GARNL3: variants seen among roughly 807,000 people sequenced by gnomAD.
GARNL3 encodes the protein GTPase activating Rap/RanGAP domain like 3.
Under a neutral mutation model 125.0 loss-of-function variants are expected in GARNL3, and 63 were observed. The observed-to-expected ratio is 0.50, with a 90% CI of 0.41 to 0.62. The LOEUF is 0.62. Ranked by LOEUF, GARNL3 falls within the 20% of genes least tolerant of loss-of-function variation. The probability of loss-of-function intolerance (pLI) is 0.00; values close to 1 mark genes in which losing one functional copy is unlikely to be tolerated. For synonymous variants in GARNL3, 439 were observed against 457.5 expected (o/e 0.96, Z 0.52); for missense variants, 994 against 1,244.0 (o/e 0.80, Z 3.02).
rs2063758932 is a variant in GARNL3 at position 127,268,927 on chromosome 9, A to C, written c.144+3906A>C. On this transcript the variant is annotated intron_variant, in intron 1 of 27. Coordinates refer to ENST00000373387, the MANE Select transcript of GARNL3 (RefSeq NM_032293.5). Reference sequence around the variant, plus strand: ...ATGTGATAGTGTATATCAGAATTTCATTCCTTTTTATGGCTGAATAATATT... The same window carrying C: ...ATGTGATAGTGTATATCAGAATTTCCTTCCTTTTTATGGCTGAATAATATT... Among the ~76,000 whole-genome samples the C allele has an allele frequency of 2.0e-5, 3 of 152,140 alleles. No homozygotes were observed. In the South Asian group the frequency reaches 6.2e-4, roughly 32 times the overall value.
chr9:127,255,772 C>G (rs1245257678), intron 2 of GARNL3, among the ~76,000 whole-genome samples: 1 of 152,136 alleles, frequency 6.6e-6, no homozygotes, highest in Non-Finnish European at 1.5e-5. Context: ...GATTCAGTTT[C>G]TTAGGTCTGG....
chr9:127,278,223 C>T (rs1273219886), intron 1 of GARNL3, among the ~76,000 whole-genome samples: 2 of 152,134 alleles, frequency 1.3e-5, no homozygotes, highest in Non-Finnish European at 2.9e-5. Context: ...TACAAATAAT[C>T]ACTATTACGA....
At chr9:127,275,462 A>G (rs1381701087) in intron 1 of GARNL3, among the ~76,000 whole-genome samples, 11 of 152,214 alleles carry the variant, frequency 7.2e-5, no homozygotes, top group Non-Finnish European at 1.0e-4. Context: ...AGGCTTCATC[A>G]AAGTCTCTCT....
rs1433843997 is a variant in GARNL3, at chr9:127,384,547, C to A, written c.2270-480C>A. 6.6e-6 allele frequency among the ~76,000 whole-genome samples: 1 copy of A among 152,148 alleles called. No homozygotes were observed. Among genetic ancestry groups the A allele is most frequent in the African/African-American group, 2.4e-5 (1 of 41,426 alleles). Reference sequence around the variant, plus strand: ...AGGGCCAGTGAGGAATAAGATGCAGCCCCGGCTCAGACGTGCAGCTGGAGG... The same window carrying A: ...AGGGCCAGTGAGGAATAAGATGCAGACCCGGCTCAGACGTGCAGCTGGAGG... On this transcript the variant is annotated intron_variant, in intron 23 of 27. Coordinates refer to ENST00000373387, the MANE Select transcript of GARNL3 (RefSeq NM_032293.5). The surrounding 1 kb of genome is among the most constrained non-coding windows in gnomAD (Gnocchi z 4.0).
At chr9:127,357,424 C>T in intron 21 of GARNL3, 47 bp downstream of exon 21, 1 of 1,582,174 alleles carries the variant, frequency 6.3e-7, no homozygotes, top group Non-Finnish European at 8.6e-7. Flanking sequence ...AAAGAGTAAT[C>T]ATCGTTGTGT....
In GARNL3 at chr9:127,344,264, T is replaced by C. The variant is rs1188388156; in HGVS notation, c.1281T>C (p.Asp427=). The part of the protein sequence containing the change: ...KNMLNRRSFS[D]VLPESPKSAR... ...TGCTTAATAGACGATCTTTTAGTGA[T>C]GTCTTACCAGAGTCACCCAAGTCAG... Residue 427 remains aspartate, a synonymous_variant, in exon 15 of 28, where the codon GAT becomes GAC. Coordinates refer to ENST00000373387, the MANE Select transcript of GARNL3 (RefSeq NM_032293.5). 1.2e-6 allele frequency: 2 copies of C among 1,613,658 alleles called. No individual in the cohort carries two copies. Among genetic ancestry groups the C allele is most frequent in the African/African-American group, 1.3e-5 (1 of 75,014 alleles).
intron 7 of GARNL3, among the ~76,000 whole-genome samples, chr9:127,331,396 G>A (rs1829228277): frequency 6.6e-6 from 1 of 152,050 alleles, no homozygotes; most frequent in African/African-American, 2.4e-5. Context: ...AGGAGGCTGA[G>A]GCAGGGGAAT....
intron 1 of GARNL3, among the ~76,000 whole-genome samples, chr9:127,290,046 A>T (rs141433297): frequency 4.6e-5 from 7 of 152,290 alleles, no homozygotes; most frequent in Non-Finnish European, 7.3e-5. Flanking sequence ...TAGTTAAGTG[A>T]CTGTAGCCCG....
intron 1 of GARNL3, among the ~76,000 whole-genome samples, chr9:127,282,034 AGT>A (rs1216958728): frequency 6.6e-6 from 1 of 152,220 alleles, no homozygotes; most frequent in Non-Finnish European, 1.5e-5. Context: ...TGGTCTCTCC[AGT>A]GTCTGTCCCC....
intron 16 of GARNL3, 108 bp from the exon 17 acceptor site, chr9:127,348,816 G>C: frequency 1.5e-6 from 1 of 676,024 alleles, no homozygotes; most frequent in Non-Finnish European, 2.5e-6. Flanking sequence ...GCTCCCACGG[G>C]GGTATCTGTG....
At chr9:127,284,620 T>C (rs946598855) in intron 1 of GARNL3, among the ~76,000 whole-genome samples, 27 of 152,048 alleles carry the variant, frequency 1.8e-4, no homozygotes, top group African/African-American at 5.3e-4. Flanking sequence ...AATAAAAGCA[T>C]TGAAAATGTG....
chr9:127,261,911 A>G (rs922301912), upstream of GARNL3, among the ~76,000 whole-genome samples: 8 of 152,028 alleles, frequency 5.3e-5, no homozygotes, highest in South Asian at 2.1e-4. Context: ...TTGTCTCTTC[A>G]TTGTGAAGAA....
upstream of GARNL3, among the ~76,000 whole-genome samples, chr9:127,259,148 C>G (rs568846538): frequency 6.6e-6 from 1 of 152,156 alleles, no homozygotes; most frequent in Non-Finnish European, 1.5e-5. Context: ...CCTTTTCTTT[C>G]CTTATCAGTT....
chr9:127,312,770 G>A (rs2065130053), intron 3 of GARNL3, among the ~76,000 whole-genome samples: 2 of 152,132 alleles, frequency 1.3e-5, no homozygotes, highest in Non-Finnish European at 2.9e-5. Context: ...GTGTGTGGGG[G>A]ATACAGAAGC....
intron 17 of GARNL3, 84 bp from the exon 18 acceptor site, chr9:127,353,762 C>T: frequency 1.1e-6 from 1 of 905,826 alleles, no homozygotes. Flanking sequence ...AACTTGGGTT[C>T]AAAACTACCC....
chr9:127,275,947 C>T (rs1419113616), intron 1 of GARNL3, among the ~76,000 whole-genome samples: 1 of 152,084 alleles, frequency 6.6e-6, no homozygotes, highest in East Asian at 1.9e-4. Context: ...TCTTTGATTA[C>T]TTTGGGAGTA....
In GARNL3 at chr9:127,280,539, T is replaced by G. The variant is rs1198511401; in HGVS notation, c.145-10629T>G. 1.3e-5 allele frequency among the ~76,000 whole-genome samples: 2 copies of G among 152,222 alleles called. No homozygotes were observed. The highest frequency in any genetic ancestry group is 2.9e-5 in the Non-Finnish European group (2 of 68,038). On this transcript the variant is annotated intron_variant, in intron 1 of 27. Coordinates refer to ENST00000373387, the MANE Select transcript of GARNL3 (RefSeq NM_032293.5). This position sits in a 1 kb window ranked among gnomAD's most constrained non-coding sequence, Gnocchi z 4.5. ...CATAATTACCACAGATTTGTTCTGT[T>G]CCAAGCAACAAAGCCAGACACCAAA...
rs768924014 is a variant in GARNL3, at chr9:127,383,465, C to A, written c.2189C>A (p.Pro730His). ...NYSCIYKKVC[P>H]FNGGSFLVQP... ...AGTTGCATCTATAAAAAGGTTTGCC[C>A]CTTTAATGGTGGCTCTTTTTTGGTT... Residue 730 changes from proline to histidine, a missense_variant, in exon 23 of 28, where the codon CCC becomes CAC. Physicochemically the swap from Pro to His is moderately conservative, Grantham distance 77 (BLOSUM62 -2). Around this residue, in one of 5 missense-constraint regions of GARNL3, gnomAD observed 728 missense variants for 865.7 expected, o/e 0.84. Transcript: ENST00000373387. The A allele has an allele frequency of 1.9e-6, 3 of 1,612,860 alleles. No individual in the cohort carries two copies. The highest frequency in any genetic ancestry group is 2.7e-5 in the African/African-American group (2 of 74,858).
rs751395796 is a variant in GARNL3 at position 127,332,390 on chromosome 9, T to C, written c.670+41T>C. ...CCGCTCTCTGCTGCCAGAGACCCTG[T>C]CCTGCCTTGTTGCATTCTTGCCAGT... On this transcript the variant is annotated intron_variant, in intron 8 of 27. Transcript: ENST00000373387. 3 of 1,514,546 alleles carry C rather than the reference T, an allele frequency of 2.0e-6. No individual in the cohort carries two copies. In the African/African-American group the frequency reaches 4.1e-5, roughly 21 times the overall value. 93.8% of individuals were successfully genotyped at this position (1,514,546 alleles called of 1,614,324 possible). A position where few individuals can be genotyped will look rare whatever the true frequency, so the allele number is the denominator to read the frequency against.
Sources: allele counts gnomAD v4.1 joint callset (sites outside exome capture counted in the v4.1 genomes callset), GRCh38; gene constraint gnomAD v4.1.1; regional missense constraint gnomAD v4.1.1; non-coding constraint Gnocchi (gnomAD v3.1); transcripts MANE v1.5; gene names NCBI Gene and HGNC (gene_info 2026-07-23, HGNC 2026-07-21).